QRSL1: variants seen among roughly 807,000 people sequenced by gnomAD.
QRSL1 encodes glutamyl-tRNA(Gln) amidotransferase subunit A, mitochondrial.
Under a neutral mutation model 61.6 loss-of-function variants are expected in QRSL1, and 54 were observed. That is an observed-to-expected ratio of 0.88 (90% CI 0.70 to 1.10). QRSL1 has a LOEUF of 1.10. Ranked by LOEUF, QRSL1 falls within the 50% of genes least tolerant of loss-of-function variation. The pLI is 0.00. For synonymous variants in QRSL1, 228 were observed against 225.7 expected (o/e 1.01, Z -0.09); for missense variants, 505 against 622.6 (o/e 0.81, Z 2.01).
chr6:106,656,846 G>A lies in QRSL1; in HGVS notation c.1160+1114G>A, dbSNP rs151289987. ...TAATTTTTGTATTTTCTGTAGAGAC[G>A]GGATCCTGCCATGTTGCCCAGGCTG... is the stretch of plus-strand genomic sequence containing the variant. On this transcript the variant is annotated intron_variant, in intron 9 of 10. Transcript: ENST00000369046. Among the ~76,000 whole-genome samples the A allele has an allele frequency of 4.3e-3, 649 of 152,174 alleles. 1 individual carries two copies. The highest frequency in any genetic ancestry group is 0.015 in the African/African-American group (616 of 41,520).
chr6:106,629,629 CCT>C lies in QRSL1; in HGVS notation c.-50_-49del. The C allele has an allele frequency of 1.3e-6, 2 of 1,574,570 alleles. No individual in the cohort carries two copies. Among genetic ancestry groups the C allele is most frequent in the Non-Finnish European group, 1.7e-6 (2 of 1,160,972 alleles). ...ATGTAACATCACTAGCGACCGGTGA[CCT>C]CTTTTTCCCCCTTGCCTGGCTCCTG... On this transcript the variant is annotated 5_prime_UTR_variant, in exon 1 of 11. Coordinates refer to ENST00000369046, the MANE Select transcript of QRSL1 (RefSeq NM_018292.5).
At chr6:106,643,629 G>A (rs547928030) in intron 4 of QRSL1, among the ~76,000 whole-genome samples, 1 of 150,842 alleles carries the variant, frequency 6.6e-6, no homozygotes, top group Admixed American at 6.6e-5. Flanking sequence ...GCAGTGAGCC[G>A]AGATCGCGCC....
chr6:106,653,824 A>C (rs1332696917), intron 7 of QRSL1: 1 of 113,144 alleles, frequency 8.8e-6, no homozygotes, highest in African/African-American at 3.7e-5. Flanking sequence ...ACCCTATCTC[A>C]AAAAAAAAAA....
chr6:106,636,394 C>G (rs532589456), intron 1 of QRSL1, among the ~76,000 whole-genome samples: 2 of 150,382 alleles, frequency 1.3e-5, no homozygotes, highest in Non-Finnish European at 2.9e-5. Flanking sequence ...AATTTTGGCT[C>G]ACTGCAACAT....
intron 2 of QRSL1, 108 bp from the exon 3 acceptor site, chr6:106,640,715 T>G: frequency 8.9e-7 from 1 of 1,117,952 alleles, no homozygotes; most frequent in East Asian, 2.4e-5. Flanking sequence ...ATTTGTTTTC[T>G]GAAGAAGTAT....
chr6:106,642,953 C>T lies in QRSL1; in HGVS notation c.284-41C>T, dbSNP rs544932349. On this transcript the variant is annotated intron_variant, in intron 3 of 10. Transcript: ENST00000369046. Reference sequence around the variant, plus strand: ...ATAGGTATAAACAAATAAAAGACTTCTGGACTGTAAAAAAAATAATAGTAA... The same window carrying T: ...ATAGGTATAAACAAATAAAAGACTTTTGGACTGTAAAAAAAATAATAGTAA... 6.9e-5 allele frequency: 94 copies of T among 1,358,938 alleles called. No homozygotes were observed. The South Asian group carries it at 1.1e-3, about 16-fold the overall frequency. The allele number at this position is 1,358,938 out of a possible 1,614,324, so 84.2% of individuals were successfully genotyped here. A position where few individuals can be genotyped will look rare whatever the true frequency, so the allele number is the denominator to read the frequency against.
Position 106,652,565 on chromosome 6 carries a change from T to C in QRSL1, c.832T>C (p.Cys278Arg). 2 of 1,614,220 alleles carry C rather than the reference T, an allele frequency of 1.2e-6. No individual in the cohort carries two copies. Among genetic ancestry groups the C allele is most frequent in the Non-Finnish European group, 1.7e-6 (2 of 1,180,034 alleles). ...LPSLADVSKL[C>R]IGIPKEYLVP... ...CAGTTTGGCAGATGTGAGCAAACTA[T>C]GTATAGGAATTCCAAAGGTAACTTT... The change falls in exon 7 of 11, where the codon TGT (cysteine) becomes CGT (arginine). Residue 278 changes from cysteine (C) to arginine (R), a missense_variant. Transcript: ENST00000369046.
chr6:106,630,910 G>A (rs1379166217), intron 1 of QRSL1, among the ~76,000 whole-genome samples: 1 of 152,152 alleles, frequency 6.6e-6, no homozygotes, highest in African/African-American at 2.4e-5. Flanking sequence ...ATTTTAAATT[G>A]CGTCGAATCA....
At chr6:106,660,476 T>G (rs1777339886) in intron 9 of QRSL1, among the ~76,000 whole-genome samples, 2 of 152,134 alleles carry the variant, frequency 1.3e-5, no homozygotes, top group Non-Finnish European at 2.9e-5. Flanking sequence ...CTGGCCTGGC[T>G]TACTTCATTT....
At chr6:106,629,801 C>T (rs1303039154) in intron 1 of QRSL1, 96 bp downstream of exon 1, 4 of 1,458,410 alleles carry the variant, frequency 2.7e-6, no homozygotes, top group Non-Finnish European at 3.8e-6. Context: ...GCATCTTGGC[C>T]CACCTCGCTG....
chr6:106,641,819 A>G (rs1010954374), intron 3 of QRSL1, among the ~76,000 whole-genome samples: 10 of 152,248 alleles, frequency 6.6e-5, no homozygotes, highest in African/African-American at 2.2e-4. Flanking sequence ...TTACTATTTC[A>G]AAAATACTGG....
chr6:106,639,635 A>G (rs2114701803), intron 1 of QRSL1, among the ~76,000 whole-genome samples: 1 of 152,262 alleles, frequency 6.6e-6, no homozygotes, highest in East Asian at 1.9e-4. Context: ...ATTAGTAAGT[A>G]CATGTTATTA....
chr6:106,645,339 C>T (rs1328320276), intron 4 of QRSL1, among the ~76,000 whole-genome samples: 1 of 152,104 alleles, frequency 6.6e-6, no homozygotes, highest in Non-Finnish European at 1.5e-5. Context: ...TCTTCTCATA[C>T]ATTTTGTTTT....
At chr6:106,642,662 C>T (rs1183987539) in intron 3 of QRSL1, 9 of 773,712 alleles carry the variant, frequency 1.2e-5, no homozygotes, top group Admixed American at 1.0e-4. Context: ...CCCCAGCATG[C>T]TGTTGGCATT....
At chr6:106,635,194 TAGA>T (rs766749724) in intron 1 of QRSL1, among the ~76,000 whole-genome samples, 2 of 151,856 alleles carry the variant, frequency 1.3e-5, no homozygotes, top group Admixed American at 6.6e-5. Flanking sequence ...AGTGTAAAAA[TAGA>T]AGAAGACCTA....
At chr6:106,662,266 C>T (rs1303032515) in intron 9 of QRSL1, among the ~76,000 whole-genome samples, 1 of 152,116 alleles carries the variant, frequency 6.6e-6, no homozygotes, top group Non-Finnish European at 1.5e-5. Flanking sequence ...TTGCTGTGTA[C>T]TTTACTTTCC....
intron 1 of QRSL1, among the ~76,000 whole-genome samples, chr6:106,638,455 C>A (rs558790789): frequency 6.6e-6 from 1 of 152,142 alleles, no homozygotes; most frequent in Non-Finnish European, 1.5e-5. Flanking sequence ...CAGGCATGCA[C>A]CACCACGCCT....
chr6:106,649,521 G>A (rs1438113572), intron 5 of QRSL1, among the ~76,000 whole-genome samples: 4 of 152,074 alleles, frequency 2.6e-5, no homozygotes, highest in African/African-American at 9.7e-5. Flanking sequence ...TAATTTGAGT[G>A]TGTGCTCACT....
At chr6:106,663,267 A>T (rs1164737017) in intron 10 of QRSL1, 82 bp downstream of exon 10, 12 of 1,375,564 alleles carry the variant, frequency 8.7e-6, no homozygotes, top group Non-Finnish European at 4.1e-6. Context: ...TTCTAGCTAG[A>T]TGGTTTCCGA....
Sources: gnomAD v4.1 joint callset for allele counts (sites outside exome capture counted in the v4.1 genomes callset) on GRCh38, gnomAD v4.1.1 for gene constraint, MANE v1.5 for transcripts, NCBI Gene and HGNC (gene_info 2026-07-23, HGNC 2026-07-21) for gene names.